FIG4: variants seen among roughly 807,000 people sequenced by gnomAD.
FIG4 encodes the protein polyphosphoinositide phosphatase.
In FIG4, 112 loss-of-function variants were observed where a neutral mutation model predicts 118.6. The ratio of observed to expected loss-of-function variants is 0.94; its 90% CI spans 0.81 to 1.11. The LOEUF is 1.11. Among genes scored for constraint, FIG4 ranks in the 50% least tolerant of loss-of-function variants. FIG4 has a pLI of 0.00. For synonymous variants in FIG4, 369 were observed against 381.2 expected (o/e 0.97, Z 0.37); for missense variants, 969 against 1,111.7 (o/e 0.87, Z 1.83).
chr6:109,720,904 A>G (rs1775586513), intron 3 of FIG4, among the ~76,000 whole-genome samples: 1 of 152,202 alleles, frequency 6.6e-6, no homozygotes, highest in Admixed American at 6.5e-5. Context: ...TTGGGAAACC[A>G]CTGGATGGGA....
Position 109,766,753 on chromosome 6 carries a change from T to A in FIG4, c.1608T>A (p.Asp536Glu). The change falls in exon 15 of 23, where the codon GAT becomes GAA. Residue 536 changes from aspartate (D) to glutamate (E), a missense_variant. Asp to Glu is a conservative substitution (Grantham distance 45). Transcript: ENST00000230124. Reference sequence around the variant, plus strand: ...GGTTATTTGAGGAACTCTATGAAGATCATGGTGATACCCTATCCCTTCAGT... The same window carrying A: ...GGTTATTTGAGGAACTCTATGAAGAACATGGTGATACCCTATCCCTTCAGT... ...AVRLFEELYE[D>E]HGDTLSLQYG... The A allele has an allele frequency of 6.2e-7, 1 of 1,613,996 alleles. No homozygotes were observed. Among genetic ancestry groups the A allele is most frequent in the Non-Finnish European group, 8.5e-7 (1 of 1,179,854 alleles).
intron 22 of FIG4, among the ~76,000 whole-genome samples, chr6:109,812,974 T>C (rs1156904482): frequency 6.6e-6 from 1 of 151,242 alleles, no homozygotes; most frequent in Non-Finnish European, 1.5e-5. Context: ...AATCTAGAAT[T>C]TCATTATCTT....
chr6:109,710,553 T>C (rs1185297963), intron 1 of FIG4, among the ~76,000 whole-genome samples: 1 of 152,222 alleles, frequency 6.6e-6, no homozygotes, highest in Non-Finnish European at 1.5e-5. Context: ...TTTGTACATC[T>C]TCTAGAATTC....
At chr6:109,716,684 G>C (rs1418969662) in intron 3 of FIG4, 116 bp downstream of exon 3, 17 of 1,250,460 alleles carry the variant, frequency 1.4e-5, no homozygotes, top group Middle Eastern at 1.9e-4. Flanking sequence ...ATTACCTGTA[G>C]CTTTGGTTAT....
In FIG4 at chr6:109,791,874, A is replaced by G. The variant is rs567962463; in HGVS notation, c.2376+303A>G. ...AGGTCCATTTATTCTCTTACTGGGCACATTGTTGGATCACAGGATTTAGAC... is the reference window on the plus strand; with the variant it reads ...AGGTCCATTTATTCTCTTACTGGGCGCATTGTTGGATCACAGGATTTAGAC... On this transcript the variant is annotated intron_variant, in intron 20 of 22. Coordinates refer to ENST00000230124, the MANE Select transcript of FIG4 (RefSeq NM_014845.6). Among the ~76,000 whole-genome samples the G allele has an allele frequency of 8.0e-4, 122 of 152,342 alleles. 1 individual carries two copies. Among genetic ancestry groups the G allele is most frequent in the Non-Finnish European group, 1.3e-3 (90 of 68,034 alleles).
chr6:109,718,717 G>T (rs1775511995), intron 3 of FIG4, among the ~76,000 whole-genome samples: 1 of 152,028 alleles, frequency 6.6e-6, no homozygotes, highest in African/African-American at 2.4e-5. Flanking sequence ...GTGTTTGTGG[G>T]AATGTGTATG....
chr6:109,817,414 G>GTCCA (rs1328582369), intron 22 of FIG4, among the ~76,000 whole-genome samples: 1 of 152,190 alleles, frequency 6.6e-6, no homozygotes, highest in Non-Finnish European at 1.5e-5. Flanking sequence ...TCCAGCATAT[G>GTCCA]GGAGGGAAAT....
intron 12 of FIG4, among the ~76,000 whole-genome samples, chr6:109,763,082 G>C (rs1052808605): frequency 1.3e-5 from 2 of 152,272 alleles, no homozygotes; most frequent in African/African-American, 2.4e-5. Context: ...AAGGAAGCAT[G>C]TTGGAGACTC....
chr6:109,792,961 G>A (rs1778180734), intron 21 of FIG4, among the ~76,000 whole-genome samples: 1 of 152,106 alleles, frequency 6.6e-6, no homozygotes, highest in Admixed American at 6.5e-5. Context: ...AAAGTGCTAA[G>A]ATTACAGGTG....
rs545793197 is a variant in FIG4, at chr6:109,723,183, G to A, written c.290-3926G>A. Among the ~76,000 whole-genome samples the A allele has an allele frequency of 3.3e-5, 5 of 151,968 alleles. No homozygotes were observed. The South Asian group carries it at 8.4e-4, about 25-fold the overall frequency. On this transcript the variant is annotated intron_variant, in intron 3 of 22. Transcript: ENST00000230124. Reference sequence around the variant, plus strand: ...GTTTTTATTATTTTTAGTAGTTATGGTTGTTTTCCTAGGAAAGAGTCTGCT... The same window carrying A: ...GTTTTTATTATTTTTAGTAGTTATGATTGTTTTCCTAGGAAAGAGTCTGCT...
chr6:109,741,805 T>A (rs1322220686), intron 8 of FIG4, among the ~76,000 whole-genome samples: 1 of 152,142 alleles, frequency 6.6e-6, no homozygotes, highest in East Asian at 1.9e-4. Flanking sequence ...ATACTTTAAA[T>A]CATCTCTAGA....
rs575035281 is a variant in FIG4 at position 109,729,197 on chromosome 6, A to G, written c.446+1932A>G. ...CCAATGTTAGAAAATTTACTAGAAC[A>G]GTTCACCACATTAAAATATTGCTGG... On this transcript the variant is annotated intron_variant, in intron 4 of 22. Transcript: ENST00000230124. Among the ~76,000 whole-genome samples the G allele has an allele frequency of 2.0e-5, 3 of 152,210 alleles. No homozygotes were observed. In the South Asian group the frequency reaches 6.2e-4, roughly 31 times the overall value.
intron 12 of FIG4, 76 bp downstream of exon 12, chr6:109,762,283 A>G: frequency 1.1e-6 from 1 of 890,716 alleles, no homozygotes; most frequent in Non-Finnish European, 1.9e-6. Flanking sequence ...AGCAGTTTGT[A>G]CTACTTGGAA....
Position 109,716,576 on chromosome 6 carries a change from A to G in FIG4, c.289+8A>G, listed in dbSNP as rs1410716522. 10 of 1,613,606 alleles carry G rather than the reference A, an allele frequency of 6.2e-6. No individual in the cohort carries two copies. Among genetic ancestry groups the G allele is most frequent in the Non-Finnish European group, 8.5e-6 (10 of 1,179,596 alleles). ...CAGCTTTTGGTGTTGTGGGTAAGAA[A>G]TCTGCCCCCCTTCTTACAATCTCTT... On this transcript the variant is annotated splice_region_variant and intron_variant, in intron 3 of 22. Coordinates refer to ENST00000230124, the MANE Select transcript of FIG4 (RefSeq NM_014845.6).
At chr6:109,694,006 CAA>C (rs368778920) in intron 1 of FIG4, among the ~76,000 whole-genome samples, 5,418 of 146,564 alleles carry the variant, frequency 0.037, 318 homozygotes, top group African/African-American at 0.13. Context: ...ATTAAAAAAA[CAA>C]AAACTGTAGT....
intron 12 of FIG4, among the ~76,000 whole-genome samples, chr6:109,763,094 G>GT (rs779130255): frequency 9.2e-5 from 14 of 152,226 alleles, no homozygotes; most frequent in Non-Finnish European, 4.4e-5. Context: ...TGGAGACTCT[G>GT]TTTTTTTACT....
At chr6:109,763,550 T>C (rs552714682) in intron 12 of FIG4, among the ~76,000 whole-genome samples, 2 of 152,208 alleles carry the variant, frequency 1.3e-5, no homozygotes, top group African/African-American at 2.4e-5. Context: ...TAATGTTGAG[T>C]TGGGAAGGCT....
Position 109,727,100 on chromosome 6 carries a change from G to C in FIG4, c.290-9G>C. The C allele has an allele frequency of 6.2e-7, 1 of 1,600,154 alleles. No homozygotes were observed. Among genetic ancestry groups the C allele is most frequent in the Non-Finnish European group, 8.6e-7 (1 of 1,167,594 alleles). On this transcript the variant is annotated splice_polypyrimidine_tract_variant and intron_variant, in intron 3 of 22. Coordinates refer to ENST00000230124, the MANE Select transcript of FIG4 (RefSeq NM_014845.6). ...TAAAGCATATTTCTCTTTATTTTTT[G>C]TTGCATAGGTTTTGTCAGGTTCTTA...
chr6:109,773,677 T>C lies in FIG4; in HGVS notation c.1751-3245T>C, dbSNP rs13201409. Among the ~76,000 whole-genome samples, 638 of 152,150 alleles carry C rather than the reference T, an allele frequency of 4.2e-3. 7 individuals are homozygous for C. The highest frequency in any genetic ancestry group is 7.5e-3 in the Non-Finnish European group (508 of 67,984). On this transcript the variant is annotated intron_variant, in intron 15 of 22. Coordinates refer to ENST00000230124, the MANE Select transcript of FIG4 (RefSeq NM_014845.6). Reference sequence around the variant, plus strand: ...TGGCTGCAGGGGTTTGCTATTCTTGTTGTTTGTTTGTTTGAGTGAAGTCTT... The same window carrying C: ...TGGCTGCAGGGGTTTGCTATTCTTGCTGTTTGTTTGTTTGAGTGAAGTCTT...
Sources: gnomAD v4.1 joint callset for allele counts (sites outside exome capture counted in the v4.1 genomes callset) on GRCh38, gnomAD v4.1.1 for gene constraint, MANE v1.5 for transcripts, NCBI Gene and HGNC (gene_info 2026-07-23, HGNC 2026-07-21) for gene names.